EHMT1: variants seen among roughly 807,000 people sequenced by gnomAD.
EHMT1 encodes the protein histone-lysine N-methyltransferase EHMT1.
EHMT1 carries 15 observed loss-of-function variants against 147.2 expected under a neutral mutation model. The observed-to-expected ratio is 0.10, with a 90% confidence interval of 0.07 to 0.16. EHMT1 has a LOEUF of 0.16. Among genes scored for constraint, EHMT1 ranks in the 10% least tolerant of loss-of-function variants. The probability of loss-of-function intolerance (pLI) is 1.00; values close to 1 mark genes in which losing one functional copy is unlikely to be tolerated. For missense variants in EHMT1, 1,587 were observed against 1,772.4 expected, an observed-to-expected ratio of 0.90 and a Z score of 1.88; for synonymous variants, 795 against 709.6, an observed-to-expected ratio of 1.12 and a Z score of -1.91.
At chr9:137,795,085 T>C (rs1165082436) in intron 16 of EHMT1, 1 of 152,168 alleles carries the variant, frequency 6.6e-6, no homozygotes. Context: ...GACAGGTCCT[T>C]AGAGCATGCG....
At chr9:137,753,050 A>C (rs1256178471) in intron 7 of EHMT1, among the ~76,000 whole-genome samples, 1 of 152,050 alleles carries the variant, frequency 6.6e-6, no homozygotes, top group African/African-American at 2.4e-5. Context: ...AATGGGTAAG[A>C]GCAGCGAGTC....
chr9:137,692,198 G>A (rs1942991105), intron 1 of EHMT1, among the ~76,000 whole-genome samples: 1 of 151,924 alleles, frequency 6.6e-6, no homozygotes, highest in Non-Finnish European at 1.5e-5. Flanking sequence ...TGCACCTGTG[G>A]ATCTTTCACA....
At chr9:137,764,168 C>T (rs904536535) in intron 10 of EHMT1, 9 of 152,450 alleles carry the variant, frequency 5.9e-5, no homozygotes, top group Admixed American at 2.0e-4. Flanking sequence ...CCGTGTGACA[C>T]GTGCTTCCCT....
chr9:137,637,329 C>T (rs1449697446), intron 1 of EHMT1, among the ~76,000 whole-genome samples: 2 of 151,830 alleles, frequency 1.3e-5, no homozygotes, highest in East Asian at 3.9e-4. Context: ...GCATGCTCCA[C>T]CATGCCAGGC....
intron 10 of EHMT1, among the ~76,000 whole-genome samples, chr9:137,765,297 C>T (rs1950143164): frequency 6.6e-6 from 1 of 152,306 alleles, no homozygotes; most frequent in East Asian, 1.9e-4. Flanking sequence ...CTTGTCTTTG[C>T]AGAGTAATGA....
rs1172263565 is a variant in EHMT1 at position 137,625,029 on chromosome 9, C to T, written c.21+5980C>T. 3.3e-5 allele frequency among the ~76,000 whole-genome samples: 5 copies of T among 151,882 alleles called. No homozygotes were observed. The East Asian group carries it at 9.7e-4, about 29-fold the overall frequency. ...CCCAAGTAGCTGGGATTACAGGCTC[C>T]TGCCACCCCGCCCCGCTAATTTTTG... On this transcript the variant is annotated intron_variant, in intron 1 of 26. Transcript: ENST00000460843.
intron 1 of EHMT1, among the ~76,000 whole-genome samples, chr9:137,645,565 A>G (rs1564535688): frequency 6.6e-6 from 1 of 152,208 alleles, no homozygotes; most frequent in African/African-American, 2.4e-5. Context: ...AGAGATAAAC[A>G]GGGTGTGATA....
rs1944564701 is a variant in EHMT1 at position 137,710,063 on chromosome 9, C to T, written c.22-904C>T. 2.0e-5 allele frequency among the ~76,000 whole-genome samples: 3 copies of T among 151,972 alleles called. No individual in the cohort carries two copies. The South Asian group carries it at 6.2e-4, about 32-fold the overall frequency. The stretch of plus-strand genomic sequence containing the variant: ...CCTTATGGACTCCATGGTCCTGCTG[C>T]TGCGTCGGGAGAGGCCTGGCTAGGA... On this transcript the variant is annotated intron_variant, in intron 1 of 26. Transcript: ENST00000460843.
Position 137,790,874 on chromosome 9 carries a change from A to G in EHMT1, c.2409A>G (p.Ser803=), listed in dbSNP as rs761738417. 3 of 1,614,190 alleles carry G rather than the reference A, an allele frequency of 1.9e-6. No homozygotes were observed. Among genetic ancestry groups the G allele is most frequent in the Non-Finnish European group, 1.7e-6 (2 of 1,180,032 alleles). ...VQAGANIDTC[S]EDQRTPLMEA... ...CGGGCGCTAATATTGACACCTGCTC[A>G]GAAGACCAGAGGACCCCGTTGATGG... Residue 803 remains serine, a synonymous_variant, in exon 16 of 27, where the codon TCA becomes TCG. Coordinates refer to ENST00000460843, the MANE Select transcript of EHMT1 (RefSeq NM_024757.5).
chr9:137,697,171 C>G (rs1277843935), intron 1 of EHMT1: 1 of 347,118 alleles, frequency 2.9e-6, no homozygotes, highest in Admixed American at 3.0e-5. Context: ...ATCCCAGCTA[C>G]TTGGGAGGCT....
At chr9:137,791,801 G>A (rs556780893) in intron 16 of EHMT1, among the ~76,000 whole-genome samples, 1 of 152,080 alleles carries the variant, frequency 6.6e-6, no homozygotes, top group East Asian at 1.9e-4. Context: ...GCACAATCTC[G>A]GCCTACTGCA....
At chr9:137,640,645 G>GA (rs1268514852) in intron 1 of EHMT1, among the ~76,000 whole-genome samples, 1 of 152,136 alleles carries the variant, frequency 6.6e-6, no homozygotes, top group African/African-American at 2.4e-5. Context: ...TGCAGAGAAG[G>GA]AAAAAATGCT....
At chr9:137,829,221 G>T (rs1275814449) in intron 25 of EHMT1, among the ~76,000 whole-genome samples, 3 of 152,180 alleles carry the variant, frequency 2.0e-5, no homozygotes, top group Non-Finnish European at 4.4e-5. Context: ...AGGCATTCAG[G>T]TCTCTTACTT....
chr9:137,782,245 C>A lies in EHMT1; in HGVS notation c.2276-46C>A. On this transcript the variant is annotated intron_variant, in intron 14 of 26. Transcript: ENST00000460843. The surrounding 1 kb of genome is among the most constrained non-coding windows in gnomAD (Gnocchi z 5.7). ...CATCGTGACAGTCCTGAGCTGGAGT[C>A]TGTGGCTACATCTGAAATCATTAAT... is the stretch of plus-strand genomic sequence containing the variant. 1 of 1,537,716 alleles carries A rather than the reference C, an allele frequency of 6.5e-7. No homozygotes were observed. Among genetic ancestry groups the A allele is most frequent in the Non-Finnish European group, 8.9e-7 (1 of 1,121,590 alleles).
intron 1 of EHMT1, chr9:137,697,228 C>A: frequency 3.8e-6 from 1 of 264,108 alleles, no homozygotes; most frequent in Middle Eastern, 8.5e-4. Flanking sequence ...TTGTAGTGAG[C>A]CGAGATGGTG....
At chr9:137,812,673 C>G (rs1333658164) in intron 19 of EHMT1, among the ~76,000 whole-genome samples, 2 of 152,278 alleles carry the variant, frequency 1.3e-5, no homozygotes, top group African/African-American at 4.8e-5. Flanking sequence ...CTTGGCCTCT[C>G]TCCCTCCTTG....
intron 1 of EHMT1, among the ~76,000 whole-genome samples, chr9:137,624,158 G>A (rs889592186): frequency 1.3e-5 from 2 of 151,450 alleles, no homozygotes; most frequent in African/African-American, 2.4e-5. Context: ...GTACCATCAC[G>A]CCCAGATAAT....
rs183815041 is a variant in EHMT1, at chr9:137,820,544, G to A, written c.3540+2406G>A. Among the ~76,000 whole-genome samples the A allele has an allele frequency of 7.1e-3, 1,085 of 152,190 alleles. 11 individuals carry two copies. The highest frequency in any genetic ancestry group is 9.2e-3 in the Non-Finnish European group (625 of 68,022). Reference sequence around the variant, plus strand: ...GTCTTTTTCTAAATACTGGGTTTTCGTAATGTCTTAGTGATATTTTTTTGA... The same window carrying A: ...GTCTTTTTCTAAATACTGGGTTTTCATAATGTCTTAGTGATATTTTTTTGA... On this transcript the variant is annotated intron_variant, in intron 25 of 26. Transcript: ENST00000460843.
chr9:137,753,481 G>A (rs375264096), intron 7 of EHMT1, among the ~76,000 whole-genome samples: 19 of 152,340 alleles, frequency 1.2e-4, no homozygotes, highest in Admixed American at 1.0e-3. Flanking sequence ...CCGTCCTCAC[G>A]TGGGACCCAA....
Sources: allele counts gnomAD v4.1 joint callset (sites outside exome capture counted in the v4.1 genomes callset), GRCh38; gene constraint gnomAD v4.1.1; non-coding constraint Gnocchi (gnomAD v3.1); transcripts MANE v1.5; gene names NCBI Gene and HGNC (gene_info 2026-07-23, HGNC 2026-07-21).